The following DLC1 variants were observed in gnomAD, a reference collection of about 807,000 sequenced individuals.
DLC1 encodes rho GTPase-activating protein 7.
DLC1 carries 54 observed loss-of-function variants against 140.3 expected under a neutral mutation model. That is an observed-to-expected ratio of 0.38 (90% CI 0.31 to 0.48). DLC1 has a LOEUF of 0.48. Among genes scored for constraint, DLC1 ranks in the 20% least tolerant of loss-of-function variants. DLC1 has a pLI of 0.96. For missense variants in DLC1, 2,536 were observed against 1,907.0 expected, an observed-to-expected ratio of 1.33 and a Z score of -6.14; for synonymous variants, 986 against 728.1, an observed-to-expected ratio of 1.35 and a Z score of -5.70.
At chr8:13,223,221 G>A (rs1390755207) in intron 5 of DLC1, among the ~76,000 whole-genome samples, 1 of 152,140 alleles carries the variant, frequency 6.6e-6, no homozygotes, top group Non-Finnish European at 1.5e-5. Context: ...GTCGTAGAGA[G>A]CAGTACACAT....
At chr8:13,430,677 G>C (rs1838823951) in intron 2 of DLC1, among the ~76,000 whole-genome samples, 1 of 152,206 alleles carries the variant, frequency 6.6e-6, no homozygotes, top group Non-Finnish European at 1.5e-5. Context: ...TGTTGCTTTA[G>C]GAAATTTGGT....
At chr8:13,481,426 C>G (rs938888176) in intron 2 of DLC1, among the ~76,000 whole-genome samples, 1 of 151,614 alleles carries the variant, frequency 6.6e-6, no homozygotes, top group African/African-American at 2.4e-5. Flanking sequence ...GACCTTGTCT[C>G]AAAAAGTAAA....
chr8:13,551,958 G>A (rs1803871154), intron 1 of DLC1, among the ~76,000 whole-genome samples: 1 of 141,118 alleles, frequency 7.1e-6, no homozygotes, highest in South Asian at 2.2e-4. Flanking sequence ...CCTCTAGACA[G>A]GTGTATATGT....
chr8:13,361,872 G>T (rs751971161), intron 4 of DLC1, among the ~76,000 whole-genome samples: 6 of 152,208 alleles, frequency 3.9e-5, no homozygotes, highest in Non-Finnish European at 7.3e-5. Flanking sequence ...AGTAAGTCAT[G>T]ACATTAGGTG....
Position 13,400,040 on chromosome 8 carries a change from G to A in DLC1, c.1173+1430C>T, listed in dbSNP as rs11997611. The stretch of plus-strand genomic sequence containing the variant: ...TTATTCCACTACACAATTATCAGAA[G>A]GAGTGGAAAGTTCTGTGGAAAAAAA... On this transcript the variant is annotated intron_variant, in intron 3 of 17. Coordinates refer to ENST00000276297, the MANE Select transcript of DLC1 (RefSeq NM_182643.3). Among the ~76,000 whole-genome samples the A allele has an allele frequency of 9.3e-3, 1,419 of 152,200 alleles. 22 individuals are homozygous for A. Among genetic ancestry groups the A allele is most frequent in the African/African-American group, 0.032 (1,346 of 41,510 alleles).
At chr8:13,449,229 A>G (rs1798933279) in intron 2 of DLC1, among the ~76,000 whole-genome samples, 1 of 152,180 alleles carries the variant, frequency 6.6e-6, no homozygotes, top group African/African-American at 2.4e-5. Context: ...AGTAAATAAT[A>G]GTCTTTGGAG....
At chr8:13,359,954 C>T (rs914669020) in intron 4 of DLC1, among the ~76,000 whole-genome samples, 1 of 152,142 alleles carries the variant, frequency 6.6e-6, no homozygotes, top group Non-Finnish European at 1.5e-5. Flanking sequence ...AAATGAGACA[C>T]TTGTTAATAA....
intron 2 of DLC1, among the ~76,000 whole-genome samples, chr8:13,418,418 C>G (rs879761528): frequency 6.6e-6 from 1 of 152,180 alleles, no homozygotes; most frequent in East Asian, 1.9e-4. Flanking sequence ...GATCCAGTTT[C>G]AGCTTTCTAC....
At chr8:13,089,923 A>G (rs1342980444) in intron 15 of DLC1, among the ~76,000 whole-genome samples, 1 of 152,228 alleles carries the variant, frequency 6.6e-6, no homozygotes, top group Non-Finnish European at 1.5e-5. Flanking sequence ...AAATTATGGA[A>G]AAATCGAAGC....
intron 4 of DLC1, among the ~76,000 whole-genome samples, chr8:13,356,760 A>C (rs1392983090): frequency 1.3e-5 from 2 of 152,188 alleles, no homozygotes; most frequent in African/African-American, 4.8e-5. Context: ...AATAAATTAC[A>C]CATCAATAAC....
intron 5 of DLC1, among the ~76,000 whole-genome samples, chr8:13,156,801 T>G (rs746434978): frequency 1.4e-4 from 22 of 152,254 alleles, no homozygotes; most frequent in Non-Finnish European, 2.8e-4. Flanking sequence ...TAATAACTAC[T>G]AGATTTATCC....
At chr8:13,104,051 T>C (rs754044840) in intron 7 of DLC1, among the ~76,000 whole-genome samples, 2 of 152,172 alleles carry the variant, frequency 1.3e-5, no homozygotes, top group Non-Finnish European at 2.9e-5. Flanking sequence ...TCTAAAATTT[T>C]AGAGTCCTTG....
At chr8:13,591,256 C>G (rs764699946) in intron 1 of DLC1, among the ~76,000 whole-genome samples, 6 of 152,074 alleles carry the variant, frequency 3.9e-5, no homozygotes, top group Non-Finnish European at 2.9e-5. Flanking sequence ...GCTTTGTGTC[C>G]TCACCCAAAC....
At chr8:13,101,476 T>C (rs577221652) in intron 8 of DLC1, among the ~76,000 whole-genome samples, 2 of 152,304 alleles carry the variant, frequency 1.3e-5, no homozygotes, top group East Asian at 3.9e-4. Flanking sequence ...TTATATTCCC[T>C]CTTGCAATTA....
At chr8:13,169,220 T>G (rs1825299584) in intron 5 of DLC1, among the ~76,000 whole-genome samples, 2 of 152,220 alleles carry the variant, frequency 1.3e-5, no homozygotes, top group Non-Finnish European at 2.9e-5. Flanking sequence ...TACAGATGAA[T>G]CAACTATGTT....
chr8:13,506,694 C>T (rs570572758), intron 1 of DLC1, among the ~76,000 whole-genome samples: 29 of 151,282 alleles, frequency 1.9e-4, no homozygotes, highest in African/African-American at 6.8e-4. Flanking sequence ...CACACACTTA[C>T]ATAAAACAGC....
chr8:13,100,708 G>C lies in DLC1; in HGVS notation c.1629C>G (p.Asp543Glu). The change falls in exon 9 of 18, where the codon GAC becomes GAG. Residue 543 changes from aspartate (D) to glutamate (E), a missense_variant. Transcript: ENST00000276297. ...AISGKWTFQR[D>E]SKRWSRLEEF... is the part of the protein sequence containing the mutation. ...CTTCAAGCCGGGACCACCTCTTGCTGTCCCTTTGGAAAGTCCATTTGCCAC... is the reference window on the plus strand; with the variant it reads ...CTTCAAGCCGGGACCACCTCTTGCTCTCCCTTTGGAAAGTCCATTTGCCAC... 6.2e-7 allele frequency: 1 copy of C among 1,609,896 alleles called. No homozygotes were observed. Among genetic ancestry groups the C allele is most frequent in the Non-Finnish European group, 8.5e-7 (1 of 1,178,200 alleles).
chr8:13,100,152 C>T lies in DLC1; in HGVS notation c.2185G>A (p.Val729Ile), dbSNP rs763052994. The T allele has an allele frequency of 6.2e-7, 1 of 1,614,178 alleles. No homozygotes were observed. Among genetic ancestry groups the T allele is most frequent in the Non-Finnish European group, 8.5e-7 (1 of 1,180,028 alleles). ...LNGNRINVPM[V>I]RKRSVSNSTQ... ...GAGTTGGAAACGCTCCTCTTTCGTA[C>T]CATGGGGACGTTGATGCGGTTGCCA... The change falls in exon 9 of 18, where the codon GTA (valine) becomes ATA (isoleucine). Residue 729 changes from valine (V) to isoleucine (I), a missense_variant. By Grantham distance (29) the Val-to-Ile change is conservative. Transcript: ENST00000276297.
intron 2 of DLC1, among the ~76,000 whole-genome samples, chr8:13,405,884 CT>C (rs1837506712): frequency 9.2e-6 from 1 of 109,138 alleles, no homozygotes; most frequent in African/African-American, 3.4e-5. Flanking sequence ...TTTTTCTTTT[CT>C]TTTCTTTCTT....
Sources: allele counts gnomAD v4.1 joint callset (sites outside exome capture counted in the v4.1 genomes callset), GRCh38; gene constraint gnomAD v4.1.1; transcripts MANE v1.5; gene names NCBI Gene and HGNC (gene_info 2026-07-23, HGNC 2026-07-21).